The following FRMPD4 variants were observed in gnomAD, a reference collection of about 807,000 sequenced individuals.
The protein encoded by FRMPD4 is FERM and PDZ domain containing 4.
A neutral mutation model predicts 94.1 loss-of-function variants in FRMPD4; 22 were observed. The ratio of observed to expected loss-of-function variants is 0.23; its 90% CI spans 0.17 to 0.33. FRMPD4 has a LOEUF of 0.33. FRMPD4 is among the 10% of genes least tolerant of loss of function. FRMPD4 has a pLI of 1.00. For synonymous variants in FRMPD4, 631 were observed against 548.6 expected (o/e 1.15, Z -2.10); for missense variants, 1,111 against 1,339.9 (o/e 0.83, Z 2.67).
intron 2 of FRMPD4, among the ~76,000 whole-genome samples, chrX:12,542,083 A>G (rs2058420495): frequency 8.9e-6 from 1 of 112,182 alleles, no homozygotes; most frequent in African/African-American, 3.2e-5. Flanking sequence ...TTGATGGAAC[A>G]TATCTAAAAA....
At chrX:12,467,185 A>AC (rs2057458486) in intron 1 of FRMPD4, among the ~76,000 whole-genome samples, 1 of 102,438 alleles carries the variant, frequency 9.8e-6, no homozygotes, top group Non-Finnish European at 2.0e-5. Context: ...TGTAGTCTCA[A>AC]AAAAAAAAAA....
chrX:12,451,341 A>G (rs1022887386), intron 1 of FRMPD4, among the ~76,000 whole-genome samples: 4 of 111,395 alleles, frequency 3.6e-5, no homozygotes, highest in Non-Finnish European at 5.7e-5. Context: ...ACAATACCCA[A>G]TTGTGTTTGG....
At chrX:12,515,741 T>C (rs967834660) in intron 2 of FRMPD4, among the ~76,000 whole-genome samples, 1 of 112,034 alleles carries the variant, frequency 8.9e-6, no homozygotes, top group South Asian at 3.7e-4. Context: ...CTGAATATCC[T>C]TGTTAATTTT....
chrX:12,305,997 C>A (rs1308041784), intron 1 of FRMPD4, among the ~76,000 whole-genome samples: 6 of 106,162 alleles, frequency 5.7e-5, no homozygotes, highest in Non-Finnish European at 1.2e-4. Context: ...ACTTAAGACC[C>A]TAACCACCAC....
chrX:12,678,791 C>G (rs750563975), intron 5 of FRMPD4, among the ~76,000 whole-genome samples: 1 of 112,338 alleles, frequency 8.9e-6, no homozygotes, highest in African/African-American at 3.2e-5. Flanking sequence ...CACCATTGCA[C>G]TCCACCCTGG....
At chrX:11,839,654 A>T (rs1238377408) in intron 1 of FRMPD4, among the ~76,000 whole-genome samples, 1 of 111,581 alleles carries the variant, frequency 9.0e-6, no homozygotes, top group African/African-American at 3.2e-5. Context: ...TCTTCTAAAA[A>T]TTGTTTTATA....
intron 1 of FRMPD4, among the ~76,000 whole-genome samples, chrX:12,355,457 G>T (rs2055881643): frequency 8.9e-6 from 1 of 112,376 alleles, no homozygotes; most frequent in Non-Finnish European, 1.9e-5. Context: ...TGGAATTTCA[G>T]GTATGAACCA....
intron 1 of FRMPD4, among the ~76,000 whole-genome samples, chrX:12,259,451 G>A (rs2054161372): frequency 9.0e-6 from 1 of 111,639 alleles, no homozygotes; most frequent in Non-Finnish European, 1.9e-5. Flanking sequence ...TTGCCAGCAA[G>A]CACTAGAAGC....
At chrX:12,237,726 C>T (rs767152432) in intron 1 of FRMPD4, among the ~76,000 whole-genome samples, 275 of 111,844 alleles carry the variant, frequency 2.5e-3, no homozygotes, top group Non-Finnish European at 2.7e-3. Context: ...TTTTGAAAGT[C>T]CAGTTTTGAA....
intron 4 of FRMPD4, among the ~76,000 whole-genome samples, chrX:12,651,479 GTTA>G (rs759629527): frequency 1.3e-4 from 14 of 109,220 alleles, no homozygotes; most frequent in Non-Finnish European, 1.9e-4. Context: ...GTACAGGCCT[GTTA>G]TTATTATTAT....
At chrX:12,697,607 T>C (rs986297777) in intron 9 of FRMPD4, among the ~76,000 whole-genome samples, 29 of 112,453 alleles carry the variant, frequency 2.6e-4, no homozygotes, top group African/African-American at 8.7e-4. Flanking sequence ...GGAGTACAGC[T>C]AAACCCAGTT....
chrX:12,110,166 C>T (rs1035091321), intron 3 of FRMPD4, among the ~76,000 whole-genome samples: 2 of 111,929 alleles, frequency 1.8e-5, no homozygotes, highest in African/African-American at 6.5e-5. Flanking sequence ...TGCAAAAATC[C>T]TCAATAAAAT....
intron 1 of FRMPD4, among the ~76,000 whole-genome samples, chrX:11,843,249 G>A (rs1004097884): frequency 9.0e-6 from 1 of 111,608 alleles, no homozygotes; most frequent in Admixed American, 9.6e-5. Flanking sequence ...AGGAATATTG[G>A]TTTGTAATTT....
intron 3 of FRMPD4, among the ~76,000 whole-genome samples, chrX:11,910,122 T>A (rs996953029): frequency 8.9e-6 from 1 of 111,761 alleles, no homozygotes; most frequent in Non-Finnish European, 1.9e-5. Context: ...TCTCCAACTA[T>A]AATTTTTGAT....
intron 4 of FRMPD4, among the ~76,000 whole-genome samples, chrX:12,639,265 A>T (rs1334991085): frequency 8.9e-6 from 1 of 112,195 alleles, no homozygotes; most frequent in African/African-American, 3.2e-5. Flanking sequence ...AATTTATCAA[A>T]AAGTTTTGAC....
chrX:12,409,140 A>G (rs771661991), intron 1 of FRMPD4, among the ~76,000 whole-genome samples: 18 of 111,771 alleles, frequency 1.6e-4, no homozygotes, highest in African/African-American at 5.8e-4. Context: ...CCACAACAGA[A>G]GGCATGTAAT....
At chrX:12,703,731 G>A (rs748549251) in intron 10 of FRMPD4, among the ~76,000 whole-genome samples, 15 of 111,782 alleles carry the variant, frequency 1.3e-4, no homozygotes, top group East Asian at 5.6e-4. Flanking sequence ...GTACATCCAC[G>A]TCCATGAATG....
At chrX:12,384,573 G>GCA (rs1251994621) in intron 1 of FRMPD4, among the ~76,000 whole-genome samples, 4 of 111,627 alleles carry the variant, frequency 3.6e-5, no homozygotes, top group African/African-American at 1.3e-4. Context: ...TGAAGCCTTG[G>GCA]TAACTGTCTG....
chrX:12,341,078 GT>G (rs1390737342), intron 1 of FRMPD4, among the ~76,000 whole-genome samples: 2 of 111,785 alleles, frequency 1.8e-5, no homozygotes, highest in African/African-American at 6.5e-5. Flanking sequence ...GTGAGTTTTT[GT>G]TTTCTTTTTG....
Sources: allele counts gnomAD v4.1 joint callset (sites outside exome capture counted in the v4.1 genomes callset), GRCh38; gene constraint gnomAD v4.1.1; transcripts MANE v1.5; gene names NCBI Gene and HGNC (gene_info 2026-07-23, HGNC 2026-07-21).